MET: variants seen among roughly 807,000 people sequenced by gnomAD.
The protein encoded by MET is hepatocyte growth factor receptor.
Under a neutral mutation model 133.1 loss-of-function variants are expected in MET, and 48 were observed. That is an observed-to-expected ratio of 0.36 (90% CI 0.29 to 0.46). The LOEUF is 0.46. MET is among the 20% of genes least tolerant of loss of function. The pLI, the probability that MET is intolerant of heterozygous loss-of-function variation, is 1.00. For synonymous variants in MET, 628 were observed against 616.5 expected (o/e 1.02, Z -0.28); for missense variants, 1,442 against 1,695.9 (o/e 0.85, Z 2.63).
Position 116,783,354 on chromosome 7 carries a change from A to T in MET, c.3683A>T (p.Asp1228Val), listed in dbSNP as rs2117066013. ...VKVADFGLAR[D>V]MYDKEYYSVH... ...GTTGCTGATTTTGGTCTTGCCAGAG[A>T]CATGTATGATAAAGAATACTATAGT... Residue 1228 changes from aspartate (D) to valine (V), a missense_variant, in exon 19 of 21, where the codon GAC (aspartate) becomes GTC (valine). Asp to Val is a radical substitution (Grantham distance 152). Transcript: ENST00000397752. The T allele has an allele frequency of 6.2e-7, 1 of 1,614,162 alleles. No individual in the cohort carries two copies. Among genetic ancestry groups the T allele is most frequent in the Non-Finnish European group, 8.5e-7 (1 of 1,180,020 alleles).
At chr7:116,737,843 A>G (rs1049740748) in intron 3 of MET, among the ~76,000 whole-genome samples, 2 of 152,226 alleles carry the variant, frequency 1.3e-5, no homozygotes, top group Non-Finnish European at 2.9e-5. Flanking sequence ...GGCTTCAGAT[A>G]TTTCATAAAG....
rs774639922 is a variant in MET at position 116,753,965 on chromosome 7, G to A, written c.1702-1390G>A. Among the ~76,000 whole-genome samples the A allele has an allele frequency of 1.1e-4, 17 of 152,066 alleles. 1 individual carries two copies. Among genetic ancestry groups the A allele is most frequent in the Non-Finnish European group, 2.4e-4 (16 of 67,998 alleles). On this transcript the variant is annotated intron_variant, in intron 5 of 20. Transcript: ENST00000397752. ...AACCTGGGCAGCATAACAAGACCCC[G>A]TCTCTACAGAAATTTAAAAATTAGC...
At chr7:116,757,917 C>T (rs770235320) in intron 8 of MET, 143 bp downstream of exon 8, 16 of 912,400 alleles carry the variant, frequency 1.8e-5, no homozygotes, top group East Asian at 2.6e-5. Flanking sequence ...ACAAAACTTC[C>T]TCCTTCCAAA....
At chr7:116,734,251 C>A (rs952820114) in intron 3 of MET, among the ~76,000 whole-genome samples, 6 of 152,134 alleles carry the variant, frequency 3.9e-5, no homozygotes, top group African/African-American at 1.4e-4. Flanking sequence ...AGACAGCTGC[C>A]CTACACAAAA....
intron 19 of MET, among the ~76,000 whole-genome samples, chr7:116,785,089 A>G (rs1173670558): frequency 6.6e-6 from 1 of 152,118 alleles, no homozygotes; most frequent in Non-Finnish European, 1.5e-5. Flanking sequence ...AATTTTTTTG[A>G]CTCCATGTCT....
At chr7:116,693,732 G>A (rs1418885343) in intron 1 of MET, among the ~76,000 whole-genome samples, 3 of 152,186 alleles carry the variant, frequency 2.0e-5, no homozygotes, top group Non-Finnish European at 2.9e-5. Flanking sequence ...AGATCTCACT[G>A]ACATTTGGAA....
chr7:116,755,227 A>T, intron 5 of MET, 128 bp from the exon 6 acceptor site: 1 of 1,138,962 alleles, frequency 8.8e-7, no homozygotes, highest in Non-Finnish European at 1.2e-6. Context: ...TTAAATTTTT[A>T]CTAAATTGTG....
intron 2 of MET, among the ~76,000 whole-genome samples, chr7:116,704,044 T>C (rs10246585): frequency 0.24 from 36,613 of 151,866 alleles, 4,511 homozygotes; most frequent in East Asian, 0.34. Context: ...TTGGATCAAG[T>C]GAAGGGGAAA....
At position 116,699,816 on chromosome 7, in the gene MET, T is replaced by G. The variant is rs770202229; in HGVS notation, c.732T>G (p.Ser244=). Residue 244 remains serine, a synonymous_variant, in exon 2 of 21, where the codon TCT becomes TCG. Transcript: ENST00000397752. ...YIDVLPEFRD[S]YPIKYVHAFE... is the part of the protein sequence containing the mutation. ...ATGTTTTACCTGAGTTCAGAGATTC[T>G]TACCCCATTAAGTATGTCCATGCCT... The G allele has an allele frequency of 5.0e-6, 8 of 1,614,130 alleles. No individual in the cohort carries two copies. Among genetic ancestry groups the G allele is most frequent in the Non-Finnish European group, 6.8e-6 (8 of 1,179,970 alleles).
chr7:116,682,813 C>G (rs1004503190), intron 1 of MET, among the ~76,000 whole-genome samples: 16 of 152,210 alleles, frequency 1.1e-4, no homozygotes, highest in African/African-American at 3.9e-4. Flanking sequence ...ATTCCAAACT[C>G]TCACCATTTC....
intron 1 of MET, among the ~76,000 whole-genome samples, chr7:116,694,854 T>G (rs1421102466): frequency 6.6e-6 from 1 of 152,116 alleles, no homozygotes; most frequent in African/African-American, 2.4e-5. Context: ...ACCCAGCTAA[T>G]TTTTGTACTT....
intron 1 of MET, among the ~76,000 whole-genome samples, chr7:116,677,787 C>T (rs1414996029): frequency 6.6e-6 from 1 of 152,194 alleles, no homozygotes; most frequent in African/African-American, 2.4e-5. Flanking sequence ...TTTTTCTAAA[C>T]TCATCAGCCC....
chr7:116,674,286 G>A (rs951501402), intron 1 of MET, among the ~76,000 whole-genome samples: 2 of 152,082 alleles, frequency 1.3e-5, no homozygotes, highest in African/African-American at 4.8e-5. Context: ...CAATACGAAA[G>A]CTCATAACTA....
chr7:116,698,746 G>T (rs756189116), intron 1 of MET, among the ~76,000 whole-genome samples: 1 of 152,170 alleles, frequency 6.6e-6, no homozygotes, highest in Non-Finnish European at 1.5e-5. Flanking sequence ...AAGGGGTTAA[G>T]AAAGAAAGTT....
intron 11 of MET, among the ~76,000 whole-genome samples, chr7:116,767,819 C>A (rs1380155580): frequency 6.7e-6 from 1 of 150,310 alleles, no homozygotes; most frequent in African/African-American, 2.4e-5. Context: ...CTCAATAAAG[C>A]TATGTTTACT....
In MET at chr7:116,757,618, T is replaced by G. The variant is rs1322961078; in HGVS notation, c.1966-20T>G. On this transcript the variant is annotated intron_variant, in intron 7 of 20. Transcript: ENST00000397752. ...ATAAGATGAACAAGTTACTTTGTTT[T>G]GTTTTTATCTCCCCTCCAGGATCCT... 1 of 1,613,970 alleles carries G rather than the reference T, an allele frequency of 6.2e-7. No homozygotes were observed. The highest frequency in any genetic ancestry group is 8.5e-7 in the Non-Finnish European group (1 of 1,179,910).
At chr7:116,731,586 C>A in intron 2 of MET, 82 bp from the exon 3 acceptor site, 1 of 1,428,390 alleles carries the variant, frequency 7.0e-7, no homozygotes, top group Non-Finnish European at 9.9e-7. Context: ...CCTCCAGGCT[C>A]TGAAAATACA....
In MET at chr7:116,738,984, T is replaced by C. The variant is rs140439141; in HGVS notation, c.1393-966T>C. On this transcript the variant is annotated intron_variant, in intron 3 of 20. Transcript: ENST00000397752. ...ATGTTCAATGCAATGTAAAAGGCTA[T>C]TAGAGATGTTGGGCAATTTCACAAA... is the stretch of plus-strand genomic sequence containing the variant. Among the ~76,000 whole-genome samples, 299 of 152,288 alleles carry C rather than the reference T, an allele frequency of 2.0e-3. 3 individuals carry two copies. Among genetic ancestry groups the C allele is most frequent in the African/African-American group, 6.9e-3 (287 of 41,554 alleles).
chr7:116,741,867 G>A (rs944810191), intron 5 of MET, among the ~76,000 whole-genome samples: 10 of 152,212 alleles, frequency 6.6e-5, no homozygotes, highest in African/African-American at 1.9e-4. Context: ...CTTGCTGATA[G>A]AGAACTCAGT....
Sources: allele counts gnomAD v4.1 joint callset (sites outside exome capture counted in the v4.1 genomes callset), GRCh38; gene constraint gnomAD v4.1.1; transcripts MANE v1.5; gene names NCBI Gene and HGNC (gene_info 2026-07-23, HGNC 2026-07-21).